The following GRIK1 variants were observed in gnomAD, a reference collection of about 807,000 sequenced individuals.
The protein encoded by GRIK1 is glutamate receptor ionotropic, kainate 1.
A neutral mutation model predicts 105.7 loss-of-function variants in GRIK1; 69 were observed. That is an observed-to-expected ratio of 0.65 (90% CI 0.54 to 0.80). The LOEUF (loss-of-function observed/expected upper bound fraction) is 0.80. Among genes scored for constraint, GRIK1 ranks in the 30% least tolerant of loss-of-function variants. The pLI is 0.00. For missense variants in GRIK1, 1,109 were observed against 1,167.3 expected, an observed-to-expected ratio of 0.95 and a Z score of 0.73; for synonymous variants, 438 against 431.3, an observed-to-expected ratio of 1.02 and a Z score of -0.19.
chr21:29,821,657 G>A (rs564347074), intron 1 of GRIK1, among the ~76,000 whole-genome samples: 17 of 152,066 alleles, frequency 1.1e-4, no homozygotes, highest in East Asian at 3.9e-4. Flanking sequence ...AATTATTACC[G>A]TAGTATAGTA....
chr21:29,723,224 C>A (rs1214336751), intron 1 of GRIK1, among the ~76,000 whole-genome samples: 1 of 152,144 alleles, frequency 6.6e-6, no homozygotes, highest in Non-Finnish European at 1.5e-5. Flanking sequence ...TAGATAAATT[C>A]TAATTCATTT....
At chr21:29,886,678 T>C (rs2069641616) in intron 1 of GRIK1, among the ~76,000 whole-genome samples, 1 of 152,194 alleles carries the variant, frequency 6.6e-6, no homozygotes, top group Non-Finnish European at 1.5e-5. Flanking sequence ...TTTTCCTACT[T>C]ACAATGGATC....
chr21:29,565,523 C>T (rs892453500), intron 14 of GRIK1, among the ~76,000 whole-genome samples: 2 of 152,236 alleles, frequency 1.3e-5, no homozygotes, highest in African/African-American at 2.4e-5. Flanking sequence ...ACCTCTGACT[C>T]GTGGGTTCAA....
intron 4 of GRIK1, among the ~76,000 whole-genome samples, chr21:29,667,807 C>A (rs1416537325): frequency 1.3e-5 from 2 of 152,190 alleles, no homozygotes; most frequent in Non-Finnish European, 2.9e-5. Context: ...CCTGAAATAG[C>A]GATTTGCTCA....
At chr21:29,865,506 C>T (rs2052778128) in intron 1 of GRIK1, among the ~76,000 whole-genome samples, 1 of 151,690 alleles carries the variant, frequency 6.6e-6, no homozygotes, top group Admixed American at 6.6e-5. Context: ...ACAGTAAACA[C>T]AATGAAATGT....
At chr21:29,773,991 C>CATAT (rs1362912439) in intron 1 of GRIK1, among the ~76,000 whole-genome samples, 2 of 152,118 alleles carry the variant, frequency 1.3e-5, no homozygotes, top group Admixed American at 1.3e-4. Flanking sequence ...GTAGCCAGAC[C>CATAT]ATATCTCTAT....
chr21:29,755,219 G>A (rs145252063), intron 1 of GRIK1, among the ~76,000 whole-genome samples: 1 of 152,136 alleles, frequency 6.6e-6, no homozygotes, highest in Non-Finnish European at 1.5e-5. Flanking sequence ...GTCTTTTCCT[G>A]TTAGTATATT....
chr21:29,596,422 A>G (rs768984066), intron 9 of GRIK1, 104 bp downstream of exon 9: 26 of 813,346 alleles, frequency 3.2e-5, no homozygotes, highest in Non-Finnish European at 5.4e-5. Flanking sequence ...CTAAACTGCA[A>G]TTGGAGAGCT....
At chr21:29,684,712 G>C (rs540814675) in intron 3 of GRIK1, among the ~76,000 whole-genome samples, 1 of 152,088 alleles carries the variant, frequency 6.6e-6, no homozygotes, top group East Asian at 1.9e-4. Flanking sequence ...AGGTTTCACC[G>C]TGTTAGCCAG....
intron 1 of GRIK1, among the ~76,000 whole-genome samples, chr21:29,884,103 T>G (rs1417651010): frequency 6.6e-6 from 1 of 152,024 alleles, no homozygotes; most frequent in East Asian, 1.9e-4. Context: ...TAAATAATTT[T>G]TCTTTGTAGT....
Position 29,600,736 on chromosome 21 carries a change from C to T in GRIK1, c.1099-1799G>A, listed in dbSNP as rs140428345. Among the ~76,000 whole-genome samples the T allele has an allele frequency of 3.3e-5, 5 of 152,296 alleles. No homozygotes were observed. The East Asian group carries it at 5.8e-4, about 18-fold the overall frequency. On this transcript the variant is annotated intron_variant, in intron 7 of 17. Transcript: ENST00000327783. ...TTCAGGCAAGCTACTGAACTTGAGG[C>T]GTTTTAATTTTTAACATTTATTGTT...
At chr21:29,566,989 A>C (rs955647467) in intron 14 of GRIK1, among the ~76,000 whole-genome samples, 13 of 152,204 alleles carry the variant, frequency 8.5e-5, no homozygotes, top group Non-Finnish European at 4.4e-5. Flanking sequence ...TAATCGAAAC[A>C]AGTAGCTGTG....
At chr21:29,925,370 C>T (rs1472930756) in intron 1 of GRIK1, among the ~76,000 whole-genome samples, 1 of 152,138 alleles carries the variant, frequency 6.6e-6, no homozygotes, top group African/African-American at 2.4e-5. Flanking sequence ...ACGCACCTGC[C>T]TTAATCTTGC....
intron 1 of GRIK1, among the ~76,000 whole-genome samples, chr21:29,881,796 A>T (rs192241716): frequency 3.2e-4 from 48 of 152,264 alleles, no homozygotes; most frequent in African/African-American, 9.6e-4. Context: ...GACTTTTTAT[A>T]TTTACTATCT....
chr21:29,626,012 G>A (rs560398956), intron 7 of GRIK1, among the ~76,000 whole-genome samples: 1 of 152,116 alleles, frequency 6.6e-6, no homozygotes, highest in Admixed American at 6.5e-5. Flanking sequence ...AGGTAATTAG[G>A]GTTAAATGAG....
chr21:29,749,099 A>C (rs1283332736), intron 1 of GRIK1: 1 of 152,192 alleles, frequency 6.6e-6, no homozygotes, highest in Non-Finnish European at 1.5e-5. Context: ...AGCCAGGAAA[A>C]TCAGAATGCT....
chr21:29,623,475 A>G (rs1324524933), intron 7 of GRIK1, among the ~76,000 whole-genome samples: 1 of 152,106 alleles, frequency 6.6e-6, no homozygotes, highest in Non-Finnish European at 1.5e-5. Context: ...AGGAAGCTGA[A>G]TTTCAGGCCA....
chr21:29,612,902 A>G (rs185140183), intron 7 of GRIK1, among the ~76,000 whole-genome samples: 1 of 152,322 alleles, frequency 6.6e-6, no homozygotes, highest in African/African-American at 2.4e-5. Flanking sequence ...GTAATTTAAA[A>G]TGCTACTTAA....
chr21:29,839,363 T>C (rs2067910162), intron 1 of GRIK1, among the ~76,000 whole-genome samples: 1 of 152,154 alleles, frequency 6.6e-6, no homozygotes, highest in Admixed American at 6.5e-5. Flanking sequence ...GAATTTCTAG[T>C]TGTAATTTGA....
Sources: gnomAD v4.1 joint callset for allele counts (sites outside exome capture counted in the v4.1 genomes callset) on GRCh38, gnomAD v4.1.1 for gene constraint, MANE v1.5 for transcripts, NCBI Gene and HGNC (gene_info 2026-07-23, HGNC 2026-07-21) for gene names.